Variants in NCKAP5 observed in about 807,000 individuals in gnomAD.
NCKAP5 encodes NCK associated protein 5.
NCKAP5 carries 92 observed loss-of-function variants against 167.0 expected under a neutral mutation model. That is an observed-to-expected ratio of 0.55 (90% CI 0.47 to 0.66). The LOEUF is 0.66. Among genes scored for constraint, NCKAP5 ranks in the 30% least tolerant of loss-of-function variants. The pLI, the probability that NCKAP5 is intolerant of heterozygous loss-of-function variation, is 0.00. For missense variants in NCKAP5, 2,378 were observed against 2,315.0 expected (o/e 1.03, Z -0.56); for synonymous variants, 891 against 877.4 (o/e 1.02, Z -0.27).
intron 4 of NCKAP5, among the ~76,000 whole-genome samples, chr2:133,257,037 C>T (rs1340256022): frequency 6.6e-6 from 1 of 152,200 alleles, no homozygotes; most frequent in Non-Finnish European, 1.5e-5. Context: ...TATACCATGA[C>T]TTTATCTAAT....
At chr2:133,638,503 G>T in the NCKAP5 span, among the ~76,000 whole-genome samples, 1 of 152,050 alleles carries the variant, frequency 6.6e-6, no homozygotes, top group African/African-American at 2.4e-5. Context: ...TAAAAACTAG[G>T]CTTAACACTT....
chr2:133,069,078 G>A (rs1285649247), intron 6 of NCKAP5, among the ~76,000 whole-genome samples: 2 of 152,164 alleles, frequency 1.3e-5, no homozygotes, highest in Non-Finnish European at 2.9e-5. Flanking sequence ...AGGAGTGAGC[G>A]ATCCAGTACT....
chr2:133,288,135 CT>C (rs996130835), intron 4 of NCKAP5, among the ~76,000 whole-genome samples: 7 of 151,522 alleles, frequency 4.6e-5, no homozygotes, highest in Admixed American at 2.6e-4. Flanking sequence ...ATAACCAATT[CT>C]TTTTTTTTAT....
At chr2:133,391,349 C>G (rs1034108132) in intron 3 of NCKAP5, 1 of 159,136 alleles carries the variant, frequency 6.3e-6, no homozygotes, top group African/African-American at 2.4e-5. Flanking sequence ...CCGAATCAAC[C>G]CTGGCAGTCA....
At chr2:133,054,871 T>C (rs112111541) in intron 6 of NCKAP5, among the ~76,000 whole-genome samples, 58 of 152,312 alleles carry the variant, frequency 3.8e-4, no homozygotes, top group African/African-American at 1.4e-3. Flanking sequence ...TTTTGACCTA[T>C]AAGCAGGTAG....
chr2:132,874,311 T>G lies in NCKAP5; in HGVS notation c.648+4537A>C, dbSNP rs187295708. ...TTTTAGTAGAGACGAGGTTTCACTA[T>G]GTTGGCTAGGCTGGTCTCGCACTCC... On this transcript the variant is annotated intron_variant, in intron 9 of 19. Transcript: ENST00000409261. 3.5e-3 allele frequency among the ~76,000 whole-genome samples: 536 copies of G among 152,226 alleles called. 3 individuals carry two copies. The highest frequency in any genetic ancestry group is 0.012 in the African/African-American group (511 of 41,542).
intron 19 of NCKAP5, among the ~76,000 whole-genome samples, chr2:132,693,619 C>CTTTT (rs1185832600): frequency 8.6e-4 from 73 of 84,484 alleles, no homozygotes; most frequent in Middle Eastern, 0.01. Flanking sequence ...CCCACCCCGC[C>CTTTT]TTTTTTTTTT....
intron 6 of NCKAP5, among the ~76,000 whole-genome samples, chr2:132,996,477 T>C (rs1250750891): frequency 6.6e-6 from 1 of 152,188 alleles, no homozygotes; most frequent in Non-Finnish European, 1.5e-5. Context: ...TTCATCTTCC[T>C]ATATTTCAAC....
intron 6 of NCKAP5, among the ~76,000 whole-genome samples, chr2:133,119,446 T>C (rs1329739578): frequency 6.6e-6 from 1 of 152,210 alleles, no homozygotes; most frequent in African/African-American, 2.4e-5. Context: ...AAAGGATGAA[T>C]TCTGCATGAA....
At chr2:132,775,688 C>G (rs1387725004) in intron 15 of NCKAP5, among the ~76,000 whole-genome samples, 1 of 152,200 alleles carries the variant, frequency 6.6e-6, no homozygotes, top group Non-Finnish European at 1.5e-5. Flanking sequence ...TCTCTTTGCT[C>G]AGGGATCTGT....
chr2:133,036,351 C>A (rs1025825961), intron 6 of NCKAP5, among the ~76,000 whole-genome samples: 1 of 151,862 alleles, frequency 6.6e-6, no homozygotes, highest in Non-Finnish European at 1.5e-5. Context: ...CATACAAAAA[C>A]CAGAGAAACA....
intron 6 of NCKAP5, among the ~76,000 whole-genome samples, chr2:133,029,403 C>A (rs2078804188): frequency 6.6e-6 from 1 of 152,164 alleles, no homozygotes; most frequent in African/African-American, 2.4e-5. Context: ...ACCAATCAAA[C>A]CTTGATAGAG....
chr2:133,661,701 G>T, the NCKAP5 span, among the ~76,000 whole-genome samples: 1 of 152,054 alleles, frequency 6.6e-6, no homozygotes, highest in Non-Finnish European at 1.5e-5. Flanking sequence ...GTATGGCCTT[G>T]GCAGCTATTT....
chr2:133,174,513 T>A (rs1040906827), intron 5 of NCKAP5, among the ~76,000 whole-genome samples: 1 of 152,206 alleles, frequency 6.6e-6, no homozygotes, highest in African/African-American at 2.4e-5. Flanking sequence ...TCAAGGAAAT[T>A]TATTTTATTC....
At chr2:133,546,669 CAAAACAAAACAAA>C (rs1208614411) in intron 2 of NCKAP5, among the ~76,000 whole-genome samples, 3 of 151,856 alleles carry the variant, frequency 2.0e-5, no homozygotes, top group African/African-American at 4.8e-5. Flanking sequence ...AAAAACAAAA[CAAAACAAAACAAA>C]AAAACAAAAC....
At chr2:133,089,843 G>A (rs1201527464) in intron 6 of NCKAP5, among the ~76,000 whole-genome samples, 1 of 152,132 alleles carries the variant, frequency 6.6e-6, no homozygotes, top group African/African-American at 2.4e-5. Flanking sequence ...AAAAGTTCCG[G>A]TAAGCTTTCA....
At chr2:132,974,155 C>G in intron 7 of NCKAP5, among the ~76,000 whole-genome samples, 1 of 152,212 alleles carries the variant, frequency 6.6e-6, no homozygotes, top group Non-Finnish European at 1.5e-5. Context: ...AGTTTTTTAA[C>G]TTGATGGCAA....
chr2:132,794,308 G>GA (rs1558788607), intron 12 of NCKAP5, among the ~76,000 whole-genome samples: 33 of 50,018 alleles, frequency 6.6e-4, no homozygotes, highest in African/African-American at 1.6e-3. Context: ...AGAGAGAGAG[G>GA]GTGGCGGGAA....
At chr2:133,621,011 C>A in the NCKAP5 span, among the ~76,000 whole-genome samples, 1 of 152,262 alleles carries the variant, frequency 6.6e-6, no homozygotes, top group Admixed American at 6.5e-5. Flanking sequence ...GTAACCTGCT[C>A]CTGAATGCAC....
Sources: gnomAD v4.1 joint callset for allele counts (sites outside exome capture counted in the v4.1 genomes callset) on GRCh38, gnomAD v4.1.1 for gene constraint, MANE v1.5 for transcripts, NCBI Gene and HGNC (gene_info 2026-07-23, HGNC 2026-07-21) for gene names.